PLPPR5: variants seen among roughly 807,000 people sequenced by gnomAD.
The protein encoded by PLPPR5 is phospholipid phosphatase-related protein type 5.
A neutral mutation model predicts 33.9 loss-of-function variants in PLPPR5; 16 were observed. That is an observed-to-expected ratio of 0.47 (90% CI 0.32 to 0.72). PLPPR5 has a LOEUF of 0.72. Among genes scored for constraint, PLPPR5 ranks in the 30% least tolerant of loss-of-function variants. The pLI is 0.03. For missense variants in PLPPR5, 301 were observed against 406.7 expected, an observed-to-expected ratio of 0.74 and a Z score of 2.23; for synonymous variants, 163 against 150.3, an observed-to-expected ratio of 1.08 and a Z score of -0.62.
At chr1:98,973,808 C>T (rs1023012637) in intron 1 of PLPPR5, among the ~76,000 whole-genome samples, 1 of 150,978 alleles carries the variant, frequency 6.6e-6, no homozygotes, top group Admixed American at 6.6e-5. Context: ...GGACATTATC[C>T]TGGGACCATG....
chr1:98,954,723 T>C (rs1330905750), intron 2 of PLPPR5, among the ~76,000 whole-genome samples: 1 of 152,094 alleles, frequency 6.6e-6, no homozygotes, highest in Admixed American at 6.6e-5. Context: ...GTTTGAATCA[T>C]ACAAAGTAAA....
chr1:98,935,323 T>C (rs911341389), intron 3 of PLPPR5, among the ~76,000 whole-genome samples: 2 of 152,020 alleles, frequency 1.3e-5, no homozygotes, highest in Admixed American at 1.3e-4. Context: ...CCAGCAAGAG[T>C]AGGGGCTATT....
intron 5 of PLPPR5, among the ~76,000 whole-genome samples, chr1:98,895,251 C>G (rs374664551): frequency 1.5e-4 from 23 of 152,070 alleles, no homozygotes; most frequent in African/African-American, 5.1e-4. Context: ...CAAGTTTAGT[C>G]CCCTTCTCTC....
At chr1:99,001,671 GAT>G (rs55722150) in intron 1 of PLPPR5, among the ~76,000 whole-genome samples, 13,763 of 101,834 alleles carry the variant, frequency 0.14, 778 homozygotes, top group East Asian at 0.21. Context: ...GAAAGTTAAA[GAT>G]ATATATATAT....
chr1:98,925,006 G>GA (rs1649701255), intron 3 of PLPPR5, among the ~76,000 whole-genome samples: 1 of 152,054 alleles, frequency 6.6e-6, no homozygotes, highest in Non-Finnish European at 1.5e-5. Flanking sequence ...TGTTACAAAA[G>GA]AAAAAATAAG....
chr1:98,914,064 G>A (rs1486993027), intron 5 of PLPPR5, among the ~76,000 whole-genome samples: 1 of 152,190 alleles, frequency 6.6e-6, no homozygotes, highest in Non-Finnish European at 1.5e-5. Flanking sequence ...TTATTGAACT[G>A]TGAATGTGTG....
chr1:98,969,350 G>A (rs1409878301), intron 1 of PLPPR5, among the ~76,000 whole-genome samples: 1 of 151,900 alleles, frequency 6.6e-6, no homozygotes, highest in Non-Finnish European at 1.5e-5. Context: ...CCACTTCCCT[G>A]GTTATTAGAA....
At position 98,941,089 on chromosome 1, in the gene PLPPR5, A is replaced by G. The variant is rs976317568; in HGVS notation, c.621+11981T>C. On this transcript the variant is annotated intron_variant, in intron 3 of 5. Transcript: ENST00000263177. ...ATGAAGGAGTTGTGGGGTTCACTTG[A>G]AAGGCGTGGAGGTGGGAATAGATGG... Among the ~76,000 whole-genome samples, 10 of 151,988 alleles carry G rather than the reference A, an allele frequency of 6.6e-5. 1 individual carries two copies. Among genetic ancestry groups the G allele is most frequent in the African/African-American group, 1.7e-4 (7 of 41,544 alleles).
chr1:98,953,390 T>TGG, intron 2 of PLPPR5, 70 bp from the exon 3 acceptor site: 1 of 1,475,286 alleles, frequency 6.8e-7, no homozygotes, highest in South Asian at 1.2e-5. Flanking sequence ...TGTGTGTGTG[T>TGG]GTGTGAATTT....
At chr1:98,946,850 G>A (rs1055441624) in intron 3 of PLPPR5, among the ~76,000 whole-genome samples, 2 of 151,924 alleles carry the variant, frequency 1.3e-5, no homozygotes, top group Admixed American at 1.3e-4. Flanking sequence ...AGAAGCGGAA[G>A]GTAAATGTGA....
chr1:98,963,604 T>C (rs1651325836), intron 1 of PLPPR5, among the ~76,000 whole-genome samples: 2 of 152,162 alleles, frequency 1.3e-5, no homozygotes, highest in Admixed American at 1.3e-4. Context: ...TTCAGAGTTT[T>C]ATTTTGACCA....
At chr1:99,005,667 A>C (rs576635544), upstream of PLPPR5, among the ~76,000 whole-genome samples, 1 of 152,208 alleles carries the variant, frequency 6.6e-6, no homozygotes, top group East Asian at 1.9e-4. Context: ...CCAGGGTAGG[A>C]AAAAGGACTA....
intron 1 of PLPPR5, among the ~76,000 whole-genome samples, chr1:99,001,880 A>C (rs1652864157): frequency 6.6e-6 from 1 of 151,618 alleles, no homozygotes; most frequent in Non-Finnish European, 1.5e-5. Flanking sequence ...TGGTCCTTGG[A>C]GAAGATACTT....
intron 3 of PLPPR5, among the ~76,000 whole-genome samples, chr1:98,952,324 G>A (rs1650819507): frequency 6.6e-6 from 1 of 151,912 alleles, no homozygotes; most frequent in African/African-American, 2.4e-5. Flanking sequence ...AGCCTACAGG[G>A]AACGCGTTAG....
At chr1:98,913,230 A>T (rs578147121) in intron 5 of PLPPR5, among the ~76,000 whole-genome samples, 1 of 152,166 alleles carries the variant, frequency 6.6e-6, no homozygotes, top group African/African-American at 2.4e-5. Context: ...ACAGTCCCTC[A>T]TAATCCATGA....
At chr1:98,919,645 G>T (rs1254624925) in intron 4 of PLPPR5, among the ~76,000 whole-genome samples, 4 of 152,100 alleles carry the variant, frequency 2.6e-5, no homozygotes, top group African/African-American at 9.7e-5. Context: ...GGACATGATG[G>T]ATATCCTCCC....
intron 4 of PLPPR5, among the ~76,000 whole-genome samples, chr1:98,919,648 A>G (rs1649475902): frequency 6.6e-6 from 1 of 152,142 alleles, no homozygotes. Context: ...CATGATGGAT[A>G]TCCTCCCTCT....
At chr1:98,928,898 T>A (rs1649863265) in intron 3 of PLPPR5, among the ~76,000 whole-genome samples, 1 of 152,118 alleles carries the variant, frequency 6.6e-6, no homozygotes, top group African/African-American at 2.4e-5. Context: ...TAGGGTTTTC[T>A]AAGTTAAACT....
At chr1:98,931,289 G>A (rs1649955253) in intron 3 of PLPPR5, among the ~76,000 whole-genome samples, 1 of 104,084 alleles carries the variant, frequency 9.6e-6, no homozygotes, top group African/African-American at 3.5e-5. Flanking sequence ...CTCAGTAACA[G>A]CTAATCATAA....
Sources: gnomAD v4.1 joint callset for allele counts (sites outside exome capture counted in the v4.1 genomes callset) on GRCh38, gnomAD v4.1.1 for gene constraint, MANE v1.5 for transcripts, NCBI Gene and HGNC (gene_info 2026-07-23, HGNC 2026-07-21) for gene names.